OTOG: variants seen among roughly 807,000 people sequenced by gnomAD.
OTOG encodes otogelin.
OTOG carries 296 observed loss-of-function variants against 313.8 expected under a neutral mutation model. That is an observed-to-expected ratio of 0.94 (90% CI 0.86 to 1.04). The LOEUF (loss-of-function observed/expected upper bound fraction) is 1.04. Ranked by LOEUF, OTOG falls within the 50% of genes least tolerant of loss-of-function variation. The probability of loss-of-function intolerance (pLI) is 0.00; values close to 1 mark genes in which losing one functional copy is unlikely to be tolerated. For missense variants in OTOG, 3,948 were observed against 3,840.1 expected, an observed-to-expected ratio of 1.03 and a Z score of -0.74; for synonymous variants, 1,533 against 1,554.9, an observed-to-expected ratio of 0.99 and a Z score of 0.33.
chr11:17,599,447 G>A (rs1004359028), intron 30 of OTOG, among the ~76,000 whole-genome samples: 4 of 152,294 alleles, frequency 2.6e-5, no homozygotes, highest in African/African-American at 9.6e-5. Flanking sequence ...CCTACTGTGT[G>A]CCAGTCTTTG....
chr11:17,611,520 A>G lies in OTOG; in HGVS notation c.6123+97A>G, dbSNP rs527589486. On this transcript the variant is annotated intron_variant, in intron 36 of 55. Transcript: ENST00000399397. ...ATGGAGTTTTAGTCGCTATCCTCAT[A>G]CCTGCCCCATGCTCCTGGTCCCTGA... The G allele has an allele frequency of 1.2e-5, 15 of 1,221,724 alleles. No homozygotes were observed. In the South Asian group the frequency reaches 2.2e-4, roughly 18 times the overall value. The allele number at this position is 1,221,724 out of a possible 1,614,324, so 75.7% of individuals were successfully genotyped here.
intron 30 of OTOG, among the ~76,000 whole-genome samples, chr11:17,597,761 C>T (rs956691876): frequency 6.6e-6 from 1 of 152,182 alleles, no homozygotes; most frequent in Non-Finnish European, 1.5e-5. Flanking sequence ...AAAGGATTTT[C>T]CTCGTGCAAG....
intron 38 of OTOG, among the ~76,000 whole-genome samples, chr11:17,613,265 T>TTCTTTCTTTCTC (rs1853634192): frequency 1.0e-4 from 14 of 138,800 alleles, no homozygotes; most frequent in East Asian, 4.2e-4. Context: ...CTTTCTTTCT[T>TTCTTTCTTTCTC]TCTCTCTCTG....
intron 4 of OTOG, among the ~76,000 whole-genome samples, chr11:17,552,587 C>CTGTGTCTCCCACCTGTCCTGTGTCCCT: frequency 6.6e-6 from 1 of 150,850 alleles, no homozygotes; most frequent in Non-Finnish European, 1.5e-5. Context: ...CCTGTGTCTC[C>CTGTGTCTCCCACCTGTCCTGTGTCCCT]CACCTGTCCT....
chr11:17,613,168 CCTTTTCTTTCTTTCTTTCTTTCTTTCTTT>C (rs1565118714), intron 38 of OTOG, among the ~76,000 whole-genome samples: 3 of 136,726 alleles, frequency 2.2e-5, no homozygotes, highest in African/African-American at 8.9e-5. Context: ...TTCTCTTCTC[CCTTTTCTTTCTTTCTTTCTTTCTTTCTTT>C]TCTTTCTTTC....
chr11:17,645,653 G>T lies in OTOG; in HGVS notation c.8541+10G>T. The T allele has an allele frequency of 1.3e-6, 2 of 1,550,698 alleles. No homozygotes were observed. The highest frequency in any genetic ancestry group is 1.7e-6 in the Non-Finnish European group (2 of 1,147,008). On this transcript the variant is annotated intron_variant, in intron 55 of 55. Coordinates refer to ENST00000399397, the MANE Select transcript of OTOG (RefSeq NM_001292063.2). ...CAGGAGCAGCACCCCTGTGCGTGGT[G>T]CCCACAAGGCAGTGGGGCAGCAAAA...
intron 31 of OTOG, among the ~76,000 whole-genome samples, chr11:17,600,843 C>A (rs1183072803): frequency 2.6e-5 from 4 of 152,244 alleles, no homozygotes; most frequent in African/African-American, 9.6e-5. Context: ...CTGTTTCTAG[C>A]ATCTTCCACC....
intron 32 of OTOG, 103 bp downstream of exon 32, chr11:17,602,480 T>C (rs1853279753): frequency 2.3e-6 from 3 of 1,315,706 alleles, no homozygotes; most frequent in African/African-American, 1.5e-5. Flanking sequence ...GCCGGAGAAA[T>C]AGGGGCTCCG....
chr11:17,605,252 C>T (rs1209090725), intron 32 of OTOG, among the ~76,000 whole-genome samples: 1 of 152,216 alleles, frequency 6.6e-6, no homozygotes, highest in Non-Finnish European at 1.5e-5. Flanking sequence ...GTTATGGAGA[C>T]CAGAGAGAGA....
chr11:17,547,358 TC>T lies in OTOG; in HGVS notation c.-11del, dbSNP rs1851829671. 7.5e-7 allele frequency: 1 copy of T among 1,338,804 alleles called. No homozygotes were observed. The highest frequency in any genetic ancestry group is 9.5e-7 in the Non-Finnish European group (1 of 1,049,138). The allele number at this position is 1,338,804 out of a possible 1,614,324, so 82.9% of individuals were successfully genotyped here. A position where few individuals can be genotyped will look rare whatever the true frequency, so the allele number is the denominator to read the frequency against. ...CTGGCCCTGCGCTCAAGTCCTCCGG[TC>T]CCCTCGTGTCCCTATGGGAGTCCTG... On this transcript the variant is annotated 5_prime_UTR_variant, in exon 1 of 56. Transcript: ENST00000399397.
chr11:17,599,152 C>G (rs537787084), intron 30 of OTOG, among the ~76,000 whole-genome samples: 164 of 152,304 alleles, frequency 1.1e-3, no homozygotes, highest in African/African-American at 3.7e-3. Context: ...GCTGAGCTCA[C>G]GCTTGCGGGA....
chr11:17,604,441 C>T (rs77056264), intron 32 of OTOG, among the ~76,000 whole-genome samples: 3,278 of 152,306 alleles, frequency 0.022, 129 homozygotes, highest in African/African-American at 0.075. Flanking sequence ...CCCATGCCCA[C>T]GCCTGCATCC....
rs1853247282 is a variant in OTOG, at chr11:17,601,453, A to G, written c.3710-757A>G. Among the ~76,000 whole-genome samples, 3 of 148,262 alleles carry G rather than the reference A, an allele frequency of 2.0e-5. No homozygotes were observed. In the South Asian group the frequency reaches 6.8e-4, roughly 34 times the overall value. On this transcript the variant is annotated intron_variant, in intron 31 of 55. Transcript: ENST00000399397. The stretch of plus-strand genomic sequence containing the variant: ...CTGCTCCTTCCAGGAAGAGCAAGAG[A>G]AGTTCAGCATGGCAGGAGCCAGGGC...
intron 23 of OTOG, among the ~76,000 whole-genome samples, chr11:17,580,472 A>G (rs1322279297): frequency 6.6e-6 from 1 of 152,222 alleles, no homozygotes; most frequent in Non-Finnish European, 1.5e-5. Context: ...AGGTAAAGAG[A>G]GGGTACTTTG....
At position 17,634,177 on chromosome 11, in the gene OTOG, T is replaced by C; in HGVS notation, c.7376T>C (p.Val2459Ala). Reference sequence around the variant, plus strand: ...CAAGCCCCAGACACCATTGTCCCGGTGGATCTGGGCTGCCCCAGTCCCCGC... The same window carrying C: ...CAAGCCCCAGACACCATTGTCCCGGCGGATCTGGGCTGCCCCAGTCCCCGC... ...QCQAPDTIVP[V>A]DLGCPSPRPE... The change falls in exon 44 of 56, where the codon GTG becomes GCG. Residue 2459 changes from valine (V) to alanine (A), a missense_variant. Transcript: ENST00000399397. The C allele has an allele frequency of 6.5e-7, 1 of 1,550,290 alleles. No individual in the cohort carries two copies. Among genetic ancestry groups the C allele is most frequent in the Non-Finnish European group, 8.7e-7 (1 of 1,146,948 alleles).
intron 15 of OTOG, among the ~76,000 whole-genome samples, chr11:17,565,829 T>A (rs1312525964): frequency 4.6e-5 from 7 of 152,102 alleles, no homozygotes; most frequent in Admixed American, 4.6e-4. Context: ...CTAGTGGTGG[T>A]GGGGCTTGAG....
chr11:17,609,928 C>T lies in OTOG; in HGVS notation c.4628C>T (p.Ala1543Val). The T allele has an allele frequency of 6.5e-7, 1 of 1,530,074 alleles. No homozygotes were observed. Among genetic ancestry groups the T allele is most frequent in the Non-Finnish European group, 8.8e-7 (1 of 1,135,244 alleles). The allele number at this position is 1,530,074 out of a possible 1,614,324, so 94.8% of individuals were successfully genotyped here. ...GAGCTCACTGCATCTCAACTCCCCG[C>T]CGGCCCCACGGAGTCCCCAGCCAGC... ...PLELTASQLP[A>V]GPTESPASKG... Residue 1543 changes from alanine to valine, a missense_variant, in exon 36 of 56, where the codon GCC becomes GTC. Coordinates refer to ENST00000399397, the MANE Select transcript of OTOG (RefSeq NM_001292063.2).
intron 33 of OTOG, among the ~76,000 whole-genome samples, chr11:17,606,582 A>C (rs930092405): frequency 2.6e-5 from 4 of 152,212 alleles, no homozygotes; most frequent in African/African-American, 9.6e-5. Context: ...AAGCCCCTGG[A>C]CAGGGATGGG....
At chr11:17,575,013 T>C (rs1852493615) in intron 20 of OTOG, 101 bp downstream of exon 20, 10 of 1,192,170 alleles carry the variant, frequency 8.4e-6, no homozygotes, top group African/African-American at 6.2e-5. Flanking sequence ...CTTGTGTCCC[T>C]CCTTCCCCTC....
Sources: gnomAD v4.1 joint callset for allele counts (sites outside exome capture counted in the v4.1 genomes callset) on GRCh38, gnomAD v4.1.1 for gene constraint, MANE v1.5 for transcripts, NCBI Gene and HGNC (gene_info 2026-07-23, HGNC 2026-07-21) for gene names.